The following ATP2B2 variants were observed in gnomAD, a reference collection of about 807,000 sequenced individuals.
ATP2B2 encodes ATPase plasma membrane Ca2+ transporting 2, also known as plasma membrane calcium-transporting ATPase 2.
Under a neutral mutation model 120.0 loss-of-function variants are expected in ATP2B2, and 15 were observed. The ratio of observed to expected loss-of-function variants is 0.12; its 90% CI spans 0.08 to 0.19. ATP2B2 has a LOEUF of 0.19. Among genes scored for constraint, ATP2B2 ranks in the 10% least tolerant of loss-of-function variants. The pLI is 1.00. For synonymous variants in ATP2B2, 694 were observed against 700.3 expected, an observed-to-expected ratio of 0.99 and a Z score of 0.14; for missense variants, 1,045 against 1,719.8, an observed-to-expected ratio of 0.61 and a Z score of 6.94.
At chr3:10,562,047 G>A (rs1182374954) in intron 2 of ATP2B2, among the ~76,000 whole-genome samples, 1 of 152,192 alleles carries the variant, frequency 6.6e-6, no homozygotes, top group South Asian at 2.1e-4. Context: ...ATGCCTCTGT[G>A]AGGAACTCGA....
In ATP2B2 at chr3:10,372,018, G is replaced by A. The variant is rs145202627; in HGVS notation, c.1450C>T (p.Leu484=). 3.1e-6 allele frequency: 5 copies of A among 1,614,094 alleles called. No homozygotes were observed. In the African/African-American group the frequency reaches 4.0e-5, roughly 13 times the overall value. Residue 484 remains leucine, a synonymous_variant, in exon 12 of 23, where the codon CTG becomes TTG. Transcript: ENST00000360273. ...TTGCCCATGGTCTCACAGGCATCCA[G>A]GTGGCGTACCAGGTTGTTGTCCTTC... is the stretch of plus-strand genomic sequence containing the variant. ...MMKDNNLVRH[L]DACETMGNAT...
At chr3:10,674,150 T>A (rs537000630) in intron 1 of ATP2B2, among the ~76,000 whole-genome samples, 17 of 152,330 alleles carry the variant, frequency 1.1e-4, no homozygotes, top group Non-Finnish European at 1.5e-5. Flanking sequence ...GTGGATTACA[T>A]GCCTGTGTGG....
intron 2 of ATP2B2, among the ~76,000 whole-genome samples, chr3:10,415,362 G>A (rs2062745245): frequency 6.6e-6 from 1 of 152,190 alleles, no homozygotes; most frequent in Non-Finnish European, 1.5e-5. Context: ...ACTTTGAACT[G>A]GCAGGATTTT....
chr3:10,695,251 G>GGGGAGA (rs796790324), intron 1 of ATP2B2, among the ~76,000 whole-genome samples: 10 of 126,968 alleles, frequency 7.9e-5, no homozygotes, highest in African/African-American at 3.1e-4. Context: ...AGGGAGGGAG[G>GGGGAGA]GAGAGAGAGA....
intron 5 of ATP2B2, among the ~76,000 whole-genome samples, chr3:10,399,216 G>A (rs1374490869): frequency 6.6e-6 from 1 of 152,188 alleles, no homozygotes; most frequent in East Asian, 1.9e-4. Flanking sequence ...ACTTCATCCC[G>A]GAGGGCAGGA....
intron 17 of ATP2B2, 103 bp downstream of exon 17, chr3:10,345,928 G>T: frequency 8.3e-7 from 1 of 1,202,194 alleles, no homozygotes; most frequent in Non-Finnish European, 1.2e-6. Context: ...CAGATGGCGG[G>T]TGGGCCAAGT....
At chr3:10,472,183 A>ACAAAGACCGAAGC (rs1553612156) in intron 1 of ATP2B2, among the ~76,000 whole-genome samples, 3 of 151,898 alleles carry the variant, frequency 2.0e-5, no homozygotes, top group Non-Finnish European at 4.4e-5. Flanking sequence ...AAGCCAAGAC[A>ACAAAGACCGAAGC]CAGAGACCGA....
Position 10,537,340 on chromosome 3 carries a change from T to G in ATP2B2, c.-414-3207A>C, listed in dbSNP as rs149982325. Among the ~76,000 whole-genome samples, 403 of 152,300 alleles carry G rather than the reference T, an allele frequency of 2.6e-3. 1 individual carries two copies. The highest frequency in any genetic ancestry group is 9.4e-3 in the African/African-American group (390 of 41,578). ...CTTCCAATCCATGAACACAAGTCTC[T>G]TCATTTATTTAGGCTTTTAAAACTT... On this transcript the variant is annotated intron_variant, in intron 2 of 21. Transcript: ENST00000646379.
At chr3:10,513,045 C>T (rs915876843) in intron 3 of ATP2B2, among the ~76,000 whole-genome samples, 5 of 152,208 alleles carry the variant, frequency 3.3e-5, no homozygotes, top group African/African-American at 1.2e-4. Context: ...GCTGAGAATA[C>T]AGTGGTAAGC....
Position 10,688,529 on chromosome 3 carries a change from C to T in ATP2B2, c.-460+19386G>A, listed in dbSNP as rs538719586. Among the ~76,000 whole-genome samples, 181 of 152,322 alleles carry T rather than the reference C, an allele frequency of 1.2e-3. 1 individual carries two copies. Among genetic ancestry groups the T allele is most frequent in the Admixed American group, 5.9e-4 (9 of 15,302 alleles). On this transcript the variant is annotated intron_variant, in intron 1 of 21. Transcript: ENST00000646379. ...ACCAGCTACTCAAAAATTAGTCCAACTCCATTTTAGTTATAGATGTGTCCC... is the reference window on the plus strand; with the variant it reads ...ACCAGCTACTCAAAAATTAGTCCAATTCCATTTTAGTTATAGATGTGTCCC...
In ATP2B2 at chr3:10,342,715, C is replaced by A. The variant is rs1434440189; in HGVS notation, c.2917+37G>T. 6.2e-7 allele frequency: 1 copy of A among 1,609,460 alleles called. No individual in the cohort carries two copies. The highest frequency in any genetic ancestry group is 1.3e-5 in the African/African-American group (1 of 74,796). On this transcript the variant is annotated intron_variant, in intron 19 of 22. Coordinates refer to ENST00000360273, the MANE Select transcript of ATP2B2 (RefSeq NM_001001331.4). The surrounding 1 kb of genome is among the most constrained non-coding windows in gnomAD (Gnocchi z 4.4). ...CATGGTGCACCCAGAAGGTGATGAC[C>A]CCGCCTGGGAGAGGCGTGGGTGGGC...
chr3:10,590,028 T>C (rs1009248848), intron 2 of ATP2B2, among the ~76,000 whole-genome samples: 4 of 152,170 alleles, frequency 2.6e-5, no homozygotes, highest in African/African-American at 9.7e-5. Context: ...CTAATGTCTC[T>C]CAATGGACGA....
chr3:10,618,940 T>A (rs939433910), intron 2 of ATP2B2, among the ~76,000 whole-genome samples: 8 of 152,136 alleles, frequency 5.3e-5, no homozygotes, highest in African/African-American at 1.7e-4. Flanking sequence ...ATGGTGGTGA[T>A]TTGGGCACTG....
rs888973094 is a variant in ATP2B2, at chr3:10,326,937, G to A, written c.*1877C>T. The A allele has an allele frequency of 8.8e-5, 35 of 398,692 alleles. No homozygotes were observed. Among genetic ancestry groups the A allele is most frequent in the African/African-American group, 6.4e-4 (31 of 48,600 alleles). The allele number at this position is 398,692 out of a possible 1,614,324, so 24.7% of individuals were successfully genotyped here. On this transcript the variant is annotated 3_prime_UTR_variant, in exon 23 of 23. Transcript: ENST00000360273. Reference sequence around the variant, plus strand: ...AAGGGGCTGGGCTGACACAGCCATCGTGAGGAGGGTCAGCATGAGGAATGG... The same window carrying A: ...AAGGGGCTGGGCTGACACAGCCATCATGAGGAGGGTCAGCATGAGGAATGG...
chr3:10,562,779 C>A (rs1056753855), intron 2 of ATP2B2, among the ~76,000 whole-genome samples: 7 of 152,238 alleles, frequency 4.6e-5, no homozygotes, highest in African/African-American at 1.7e-4. Context: ...TTGTAAACAA[C>A]CTAAATGCCC....
rs900375614 is a variant in ATP2B2 at position 10,375,831 on chromosome 3, C to T, written c.1202-187G>A. Among the ~76,000 whole-genome samples, 1 of 152,192 alleles carries T rather than the reference C, an allele frequency of 6.6e-6. No individual in the cohort carries two copies. The highest frequency in any genetic ancestry group is 1.5e-5 in the Non-Finnish European group (1 of 68,034). ...CTTGATCCTCACCGAGCCTCAGTCT[C>T]CTGCTCTGTACAATGGGGATGCATA... On this transcript the variant is annotated intron_variant, in intron 10 of 22. Coordinates refer to ENST00000360273, the MANE Select transcript of ATP2B2 (RefSeq NM_001001331.4). The surrounding 1 kb of genome is among the most constrained non-coding windows in gnomAD (Gnocchi z 4.2).
chr3:10,409,880 C>T (rs941056915), intron 3 of ATP2B2, among the ~76,000 whole-genome samples: 2 of 152,070 alleles, frequency 1.3e-5, no homozygotes, highest in Admixed American at 1.3e-4. Context: ...CAATGAATCA[C>T]AAAAAAGTAT....
chr3:10,630,122 C>G (rs1171938723), intron 1 of ATP2B2, among the ~76,000 whole-genome samples: 1 of 151,732 alleles, frequency 6.6e-6, no homozygotes, highest in Non-Finnish European at 1.5e-5. Context: ...AACAGTTAAA[C>G]ACGGCCACCT....
At chr3:10,401,857 T>C (rs907752722) in intron 4 of ATP2B2, among the ~76,000 whole-genome samples, 1 of 152,114 alleles carries the variant, frequency 6.6e-6, no homozygotes, top group Non-Finnish European at 1.5e-5. Flanking sequence ...GTTTGGAGAG[T>C]GGTAGCACAT....
Sources: gnomAD v4.1 joint callset for allele counts (sites outside exome capture counted in the v4.1 genomes callset) on GRCh38, gnomAD v4.1.1 for gene constraint, Gnocchi (gnomAD v3.1) non-coding constraint, MANE v1.5 for transcripts, NCBI Gene and HGNC (gene_info 2026-07-23, HGNC 2026-07-21) for gene names.